Variants in FREM1 observed in about 807,000 individuals in gnomAD.
FREM1 encodes the protein FRAS1 related extracellular matrix 1, also known as FRAS1-related extracellular matrix protein 1.
Under a neutral mutation model 210.1 loss-of-function variants are expected in FREM1, and 220 were observed. The ratio of observed to expected loss-of-function variants is 1.05; its 90% CI spans 0.94 to 1.17. FREM1 has a LOEUF of 1.17. FREM1 is among the 50% of genes most tolerant of loss of function. The pLI, the probability that FREM1 is intolerant of heterozygous loss-of-function variation, is 0.00. For missense variants in FREM1, 3,454 were observed against 2,675.5 expected (o/e 1.29, Z -6.42); for synonymous variants, 1,189 against 980.2 (o/e 1.21, Z -3.98).
At chr9:14,770,563 G>A in intron 26 of FREM1, 42 bp downstream of exon 26, 1 of 1,460,422 alleles carries the variant, frequency 6.8e-7, no homozygotes, top group Non-Finnish European at 9.6e-7. Flanking sequence ...CAGCCACTGG[G>A]TATTTTAAAA....
At chr9:14,820,361 C>T (rs1393594758) in intron 13 of FREM1, among the ~76,000 whole-genome samples, 2 of 152,202 alleles carry the variant, frequency 1.3e-5, no homozygotes, top group Admixed American at 6.5e-5. Context: ...CTGAGGACCC[C>T]TCCCAGGTGG....
At chr9:14,867,680 C>A (rs981363565) in intron 2 of FREM1, among the ~76,000 whole-genome samples, 8 of 152,128 alleles carry the variant, frequency 5.3e-5, no homozygotes, top group African/African-American at 1.7e-4. Flanking sequence ...TCAATAACCT[C>A]GTGGATTAGT....
chr9:14,792,086 G>A (rs150772672), intron 22 of FREM1, among the ~76,000 whole-genome samples: 8,463 of 152,098 alleles, frequency 0.056, 272 homozygotes, highest in African/African-American at 0.081. Context: ...CTTGTGATCC[G>A]CCCACCTTGG....
chr9:14,788,909 G>C lies in FREM1; in HGVS notation c.4177+10C>G. ...TTGATCCCAGTAAACCTTGGTAGACGTGCTTTTACCTTTTTCCATGTCCTT... is the reference window on the plus strand; with the variant it reads ...TTGATCCCAGTAAACCTTGGTAGACCTGCTTTTACCTTTTTCCATGTCCTT... On this transcript the variant is annotated intron_variant, in intron 23 of 36. Transcript: ENST00000380880. The C allele has an allele frequency of 1.9e-6, 3 of 1,606,124 alleles. No individual in the cohort carries two copies. Among genetic ancestry groups the C allele is most frequent in the African/African-American group, 1.3e-5 (1 of 74,912 alleles).
rs764324669 is a variant in FREM1 at position 14,868,963 on chromosome 9, A to G, written c.15T>C (p.Ser5=). 1.9e-6 allele frequency: 3 copies of G among 1,581,228 alleles called. No homozygotes were observed. Among genetic ancestry groups the G allele is most frequent in the East Asian group, 2.3e-5 (1 of 43,752 alleles). ...GCAGCACGGCATTCGCAGCCCCCCAACTCAGAGAGTTCATGCTGACAGGGC... is the reference window on the plus strand; with the variant it reads ...GCAGCACGGCATTCGCAGCCCCCCAGCTCAGAGAGTTCATGCTGACAGGGC... The part of the protein sequence containing the change: MNSL[S]WGAANAVLLL... The change falls in exon 2 of 37, where the codon AGT becomes AGC. Residue 5 remains serine (S), a synonymous_variant. Coordinates refer to ENST00000380880, the MANE Select transcript of FREM1 (RefSeq NM_001379081.2).
At chr9:14,853,660 T>C (rs569583092) in intron 5 of FREM1, among the ~76,000 whole-genome samples, 2 of 152,158 alleles carry the variant, frequency 1.3e-5, no homozygotes, top group South Asian at 4.2e-4. Flanking sequence ...TAACCAGCAA[T>C]GCCCAGAGAA....
chr9:14,774,101 G>C (rs771113889), intron 25 of FREM1: 1 of 518,928 alleles, frequency 1.9e-6, no homozygotes, highest in Non-Finnish European at 3.8e-6. Context: ...TCTTCTCCCA[G>C]TGCATTATCA....
chr9:14,903,657 G>A (rs1050005480), intron 1 of FREM1, among the ~76,000 whole-genome samples: 2 of 152,124 alleles, frequency 1.3e-5, no homozygotes, highest in African/African-American at 4.8e-5. Flanking sequence ...ACCTGGTAGT[G>A]TATATGCCTA....
intron 1 of FREM1, among the ~76,000 whole-genome samples, chr9:14,893,787 G>C (rs777201395): frequency 9.9e-5 from 15 of 151,342 alleles, no homozygotes; most frequent in South Asian, 2.1e-4. Context: ...AAGGTTAAAG[G>C]GTTGTTTTAA....
chr9:14,768,649 G>C (rs567239723), intron 27 of FREM1, among the ~76,000 whole-genome samples: 24 of 152,136 alleles, frequency 1.6e-4, no homozygotes, highest in Non-Finnish European at 3.1e-4. Context: ...TGGGACGCTG[G>C]GAATGTGTTT....
chr9:14,836,023 G>A lies in FREM1; in HGVS notation c.1881+5424C>T, dbSNP rs1209522268. ...AAATGTGAATCAATATGCTAGTTCT[G>A]GGCAATTATCTTGCAACTTCTGCCG... On this transcript the variant is annotated intron_variant, in intron 10 of 36. Coordinates refer to ENST00000380880, the MANE Select transcript of FREM1 (RefSeq NM_001379081.2). This position sits in a 1 kb window ranked among gnomAD's most constrained non-coding sequence, Gnocchi z 4.9. Among the ~76,000 whole-genome samples, 1 of 152,148 alleles carries A rather than the reference G, an allele frequency of 6.6e-6. No homozygotes were observed. Among genetic ancestry groups the A allele is most frequent in the African/African-American group, 2.4e-5 (1 of 41,430 alleles).
In FREM1 at chr9:14,853,159, C is replaced by A. The variant is rs150120075; in HGVS notation, c.829-1552G>T. On this transcript the variant is annotated intron_variant, in intron 5 of 36. Transcript: ENST00000380880. ...GTGTTTCTTGCAGTTGAAACACACA[C>A]AGAGAGCTGATGCAGGGCTCATATC... Among the ~76,000 whole-genome samples, 363 of 152,302 alleles carry A rather than the reference C, an allele frequency of 2.4e-3. 2 individuals carry two copies. The highest frequency in any genetic ancestry group is 0.01 in the Middle Eastern group (3 of 294).
At chr9:14,759,089 T>C (rs1429704280) in intron 28 of FREM1, among the ~76,000 whole-genome samples, 1 of 152,202 alleles carries the variant, frequency 6.6e-6, no homozygotes, top group Non-Finnish European at 1.5e-5. Context: ...ATACAACATC[T>C]CTTTCTAAAG....
At chr9:14,879,002 T>A (rs1169222994) in intron 1 of FREM1, among the ~76,000 whole-genome samples, 1 of 151,568 alleles carries the variant, frequency 6.6e-6, no homozygotes, top group African/African-American at 2.4e-5. Flanking sequence ...ACTAAAAATA[T>A]GAAAATTAGC....
chr9:14,826,660 C>A (rs1026265069), intron 10 of FREM1, among the ~76,000 whole-genome samples: 4 of 152,096 alleles, frequency 2.6e-5, no homozygotes, highest in African/African-American at 9.7e-5. Context: ...ATTTCCAATA[C>A]AAGATTAGTA....
At chr9:14,822,468 G>A (rs774161603) in intron 13 of FREM1, among the ~76,000 whole-genome samples, 4 of 152,048 alleles carry the variant, frequency 2.6e-5, no homozygotes, top group Non-Finnish European at 5.9e-5. Context: ...GGTCCCTTCT[G>A]GTTGATAATG....
intron 24 of FREM1, chr9:14,782,480 G>T: frequency 3.9e-6 from 1 of 255,398 alleles, no homozygotes; most frequent in Non-Finnish European, 6.2e-6. Context: ...TGTGGGCATT[G>T]ACGGAGGGAA....
In FREM1 at chr9:14,745,937, T is replaced by C. The variant is rs7851983; in HGVS notation, c.6254+416A>G. Among the ~76,000 whole-genome samples the C allele has an allele frequency of 9.9e-3, 1,500 of 152,280 alleles. 30 individuals are homozygous for C. The highest frequency in any genetic ancestry group is 0.034 in the African/African-American group (1,424 of 41,544). On this transcript the variant is annotated intron_variant, in intron 35 of 36. Coordinates refer to ENST00000380880, the MANE Select transcript of FREM1 (RefSeq NM_001379081.2). ...GACGTTATAAGGCTTTTCATTACTA[T>C]ATACTTTCAATTAAATGGGCAGGAA... is the stretch of plus-strand genomic sequence containing the variant.
chr9:14,881,182 T>C (rs1834727221), intron 1 of FREM1, among the ~76,000 whole-genome samples: 1 of 152,210 alleles, frequency 6.6e-6, no homozygotes, highest in African/African-American at 2.4e-5. Context: ...CAAATCTCCT[T>C]TGAAACCCCA....
Sources: gnomAD v4.1 joint callset for allele counts (sites outside exome capture counted in the v4.1 genomes callset) on GRCh38, gnomAD v4.1.1 for gene constraint, Gnocchi (gnomAD v3.1) non-coding constraint, MANE v1.5 for transcripts, NCBI Gene and HGNC (gene_info 2026-07-23, HGNC 2026-07-21) for gene names.